The following TPO variants were observed in gnomAD, a reference collection of about 807,000 sequenced individuals.
TPO encodes the protein thyroid microsomal antigen.
Under a neutral mutation model 96.9 loss-of-function variants are expected in TPO, and 78 were observed. The observed-to-expected ratio is 0.81, with a 90% CI of 0.67 to 0.97. The LOEUF is 0.97. Ranked by LOEUF, TPO falls within the 50% of genes least tolerant of loss-of-function variation. The probability of loss-of-function intolerance (pLI) is 0.00; values close to 1 mark genes in which losing one functional copy is unlikely to be tolerated. For missense variants in TPO, 1,252 were observed against 1,274.8 expected, an observed-to-expected ratio of 0.98 and a Z score of 0.27; for synonymous variants, 547 against 538.0, an observed-to-expected ratio of 1.02 and a Z score of -0.23.
intron 14 of TPO, among the ~76,000 whole-genome samples, chr2:1,505,701 C>T (rs1673372550): frequency 6.6e-6 from 1 of 152,030 alleles, no homozygotes; most frequent in Non-Finnish European, 1.5e-5. Context: ...GTTTGCTGCA[C>T]CTATTGACCC....
chr2:1,535,616 T>A (rs1679451294), intron 15 of TPO, among the ~76,000 whole-genome samples: 1 of 19,302 alleles, frequency 5.2e-5, no homozygotes, highest in Non-Finnish European at 9.4e-5. Flanking sequence ...CCCCGCAGTG[T>A]ACAACCTCCT....
At chr2:1,457,717 C>G (rs1667968355) in intron 7 of TPO, among the ~76,000 whole-genome samples, 1 of 150,720 alleles carries the variant, frequency 6.6e-6, no homozygotes, top group Non-Finnish European at 1.5e-5. Flanking sequence ...ATGTATGATA[C>G]TGTGTGGTCA....
intron 15 of TPO, among the ~76,000 whole-genome samples, chr2:1,531,572 ACACTCTGTGCAACCGCCCCATATCCCCCC>A (rs1678259288): frequency 2.9e-4 from 3 of 10,350 alleles, no homozygotes; most frequent in Non-Finnish European, 5.7e-4. Flanking sequence ...CCAAACCCCC[ACACTCTGTGCAACCGCCCCATATCCCCCC>A]CACTCTGTGC....
At chr2:1,528,414 G>T (rs1340147653) in intron 15 of TPO, among the ~76,000 whole-genome samples, 2 of 69,058 alleles carry the variant, frequency 2.9e-5, no homozygotes, top group African/African-American at 1.3e-4. Context: ...CAAATCACCC[G>T]GTGTGCAACC....
At chr2:1,446,986 G>T (rs1666885249) in intron 5 of TPO, among the ~76,000 whole-genome samples, 10 of 151,624 alleles carry the variant, frequency 6.6e-5, no homozygotes, top group Admixed American at 5.3e-4. Flanking sequence ...ACCATGAGGG[G>T]TGTGTGTGTG....
chr2:1,534,400 C>T (rs1281825804), intron 15 of TPO, among the ~76,000 whole-genome samples: 8 of 143,710 alleles, frequency 5.6e-5, no homozygotes, highest in African/African-American at 1.6e-4. Context: ...TGTGTGCAAC[C>T]TCCCCAAATC....
intron 3 of TPO, among the ~76,000 whole-genome samples, chr2:1,423,656 T>C (rs889903569): frequency 7.2e-5 from 11 of 152,122 alleles, no homozygotes; most frequent in African/African-American, 2.7e-4. Context: ...ACAAAAAACC[T>C]GTAAAGCAGT....
Position 1,428,355 on chromosome 2 carries a change from C to T in TPO, c.180-5083C>T, listed in dbSNP as rs551910385. 2.4e-4 allele frequency among the ~76,000 whole-genome samples: 37 copies of T among 152,328 alleles called. No individual in the cohort carries two copies. In the South Asian group the frequency reaches 7.7e-3, roughly 32 times the overall value. ...AGGCTCTCCTGAACTGAGCTCCCCA[C>T]AGGCTGGGCTCTGCAGAACATGGAC... On this transcript the variant is annotated intron_variant, in intron 3 of 16. Coordinates refer to ENST00000329066, the MANE Select transcript of TPO (RefSeq NM_001206744.2).
intron 14 of TPO, 77 bp from the exon 15 acceptor site, chr2:1,516,806 C>A: frequency 7.3e-7 from 1 of 1,369,442 alleles, no homozygotes; most frequent in Non-Finnish European, 1.0e-6. Context: ...CAGGGTATGG[C>A]CCAGACTCAG....
At chr2:1,428,299 G>A (rs1357239945) in intron 3 of TPO, among the ~76,000 whole-genome samples, 3 of 152,188 alleles carry the variant, frequency 2.0e-5, no homozygotes, top group African/African-American at 7.2e-5. Context: ...AGAGCAGACT[G>A]TGGCTTGTGG....
intron 1 of TPO, among the ~76,000 whole-genome samples, chr2:1,379,126 G>A (rs954627950): frequency 4.6e-5 from 7 of 152,060 alleles, no homozygotes; most frequent in African/African-American, 1.7e-4. Context: ...CCAACATGTC[G>A]AAACCCAGTC....
intron 1 of TPO, among the ~76,000 whole-genome samples, chr2:1,400,553 A>G (rs1026591533): frequency 5.9e-5 from 7 of 119,082 alleles, no homozygotes; most frequent in African/African-American, 2.6e-4. Context: ...TGGATAAAGA[A>G]GTGAGACTCT....
At chr2:1,404,078 C>A (rs148178187) in intron 1 of TPO, among the ~76,000 whole-genome samples, 1 of 152,170 alleles carries the variant, frequency 6.6e-6, no homozygotes, top group East Asian at 1.9e-4. Context: ...ATGGATCTCC[C>A]GAGCACAGAT....
At chr2:1,537,789 C>T (rs1233267887) in intron 15 of TPO, among the ~76,000 whole-genome samples, 1 of 135,088 alleles carries the variant, frequency 7.4e-6, no homozygotes, top group Non-Finnish European at 1.6e-5. Flanking sequence ...CAAATCCCCC[C>T]ATTGTGAGCA....
At chr2:1,514,532 C>T (rs1257100687) in intron 14 of TPO, among the ~76,000 whole-genome samples, 2 of 152,182 alleles carry the variant, frequency 1.3e-5, no homozygotes, top group Non-Finnish European at 2.9e-5. Flanking sequence ...AGGGACTCCC[C>T]CTTGCCCAGC....
intron 15 of TPO, among the ~76,000 whole-genome samples, chr2:1,524,739 A>T (rs1166753340): frequency 1.2e-5 from 1 of 85,232 alleles, no homozygotes; most frequent in African/African-American, 4.8e-5. Context: ...TGCAACCTTT[A>T]CAACTCTACT....
At chr2:1,461,838 A>G (rs1424710117) in intron 7 of TPO, among the ~76,000 whole-genome samples, 1 of 152,106 alleles carries the variant, frequency 6.6e-6, no homozygotes, top group African/African-American at 2.4e-5. Flanking sequence ...TGTGTAACTC[A>G]GGAGTGTATT....
chr2:1,396,301 A>AC lies in TPO; in HGVS notation n.180+21901dup, dbSNP rs1384447889. Among the ~76,000 whole-genome samples, 3 of 152,202 alleles carry AC rather than the reference A, an allele frequency of 2.0e-5. No homozygotes were observed. The East Asian group carries it at 5.8e-4, about 29-fold the overall frequency. ...GGGAGTTGAAGGGCACAGACACTAG[A>AC]CCAAGAGCAAACCACATCCCAAGAA... is the stretch of plus-strand genomic sequence containing the variant. On this transcript the variant is annotated intron_variant and non_coding_transcript_variant, in intron 1 of 5. Transcript: ENST00000497517.
At chr2:1,446,361 A>G (rs1666819321) in intron 5 of TPO, among the ~76,000 whole-genome samples, 1 of 152,146 alleles carries the variant, frequency 6.6e-6, no homozygotes. Flanking sequence ...CAGGGCAGGC[A>G]TGGGCGCCTC....
Sources: gnomAD v4.1 joint callset for allele counts (sites outside exome capture counted in the v4.1 genomes callset) on GRCh38, gnomAD v4.1.1 for gene constraint, MANE v1.5 for transcripts, NCBI Gene and HGNC (gene_info 2026-07-23, HGNC 2026-07-21) for gene names.